Variants in PLEKHA5 observed in about 807,000 individuals in gnomAD.
The protein encoded by PLEKHA5 is pleckstrin homology domain-containing family A member 5.
A neutral mutation model predicts 181.9 loss-of-function variants in PLEKHA5; 55 were observed. That is an observed-to-expected ratio of 0.30 (90% CI 0.24 to 0.38). The LOEUF (loss-of-function observed/expected upper bound fraction) is 0.38. Ranked by LOEUF, PLEKHA5 falls within the 10% of genes least tolerant of loss-of-function variation. The pLI, the probability that PLEKHA5 is intolerant of heterozygous loss-of-function variation, is 1.00. For missense variants in PLEKHA5, 1,432 were observed against 1,549.5 expected (o/e 0.92, Z 1.27); for synonymous variants, 535 against 529.4 (o/e 1.01, Z -0.15).
intron 20 of PLEKHA5, among the ~76,000 whole-genome samples, chr12:19,322,940 A>G (rs1404087596): frequency 6.6e-6 from 1 of 151,366 alleles, no homozygotes; most frequent in Non-Finnish European, 1.5e-5. Flanking sequence ...TGTAGCCTGA[A>G]TCTCTTGGAC....
intron 3 of PLEKHA5, among the ~76,000 whole-genome samples, chr12:19,233,935 G>C (rs188311375): frequency 1.3e-5 from 2 of 152,156 alleles, no homozygotes; most frequent in Non-Finnish European, 2.9e-5. Context: ...GCATTGATCC[G>C]CAGTCTACCT....
chr12:19,212,539 G>T (rs908250711), intron 3 of PLEKHA5, among the ~76,000 whole-genome samples: 3 of 151,974 alleles, frequency 2.0e-5, no homozygotes, highest in African/African-American at 7.3e-5. Context: ...AAATTAGCCA[G>T]GCATGGTGGC....
At chr12:19,215,293 T>G (rs1250336603) in intron 3 of PLEKHA5, among the ~76,000 whole-genome samples, 6 of 151,742 alleles carry the variant, frequency 4.0e-5, no homozygotes, top group Non-Finnish European at 5.9e-5. Context: ...TAGCCAAAAG[T>G]TTTTTTTTAA....
chr12:19,368,436 A>T (rs1025858140), intron 30 of PLEKHA5, among the ~76,000 whole-genome samples: 6 of 152,030 alleles, frequency 3.9e-5, no homozygotes, highest in African/African-American at 1.4e-4. Context: ...TGAGGCTACA[A>T]TGAGCTGTGT....
intron 22 of PLEKHA5, among the ~76,000 whole-genome samples, chr12:19,344,507 C>G (rs1275972313): frequency 2.6e-5 from 4 of 152,038 alleles, no homozygotes; most frequent in African/African-American, 9.7e-5. Flanking sequence ...TATGTTGTTT[C>G]CAGAGTTTTT....
rs1303079768 is a variant in PLEKHA5, at chr12:19,375,534, T to C, written c.*15T>C. The C allele has an allele frequency of 2.0e-5, 3 of 152,610 alleles. No homozygotes were observed. The highest frequency in any genetic ancestry group is 2.0e-4 in the Admixed American group (3 of 15,268). The allele number at this position is 152,610 out of a possible 1,614,324, so 9.5% of individuals were successfully genotyped here. A position where few individuals can be genotyped will look rare whatever the true frequency, so the allele number is the denominator to read the frequency against. ...TTTCCTCTCTCTTATTTTTCAGCTA[T>C]ACTGACTTCTGTTGAAACCATTCAA... On this transcript the variant is annotated 3_prime_UTR_variant, in exon 32 of 32. Transcript: ENST00000429027.
In PLEKHA5 at chr12:19,269,789, G is replaced by A. The variant is rs989841428; in HGVS notation, c.731G>A (p.Arg244Gln). Reference sequence around the variant, plus strand: ...AATCAGGCAGCCCATCCAAACATGCGGACCTATTATTTCTGCACTGATACA... The same window carrying A: ...AATCAGGCAGCCCATCCAAACATGCAGACCTATTATTTCTGCACTGATACA... Reference protein sequence around the residue: ...YAFKAAHPNMRTYYFCTDTGK... With the variant: ...YAFKAAHPNMQTYYFCTDTGK... The change falls in exon 9 of 32, where the codon CGG (arginine) becomes CAG (glutamine). Residue 244 changes from arginine (R) to glutamine (Q), a missense_variant. Physicochemically the swap from Arg to Gln is conservative, Grantham distance 43 (BLOSUM62 1). Transcript: ENST00000429027. The A allele has an allele frequency of 3.8e-6, 6 of 1,595,446 alleles. No individual in the cohort carries two copies. Among genetic ancestry groups the A allele is most frequent in the Admixed American group, 1.7e-5 (1 of 59,780 alleles).
chr12:19,260,851 A>G (rs1177507870), intron 6 of PLEKHA5, 98 bp from the exon 7 acceptor site: 1 of 702,608 alleles, frequency 1.4e-6, no homozygotes, highest in Non-Finnish European at 2.3e-6. Context: ...CAAGAGCGAA[A>G]CTCCATCTCA....
chr12:19,315,904 A>G (rs1592458935), intron 16 of PLEKHA5, among the ~76,000 whole-genome samples: 2 of 152,264 alleles, frequency 1.3e-5, no homozygotes, highest in South Asian at 4.2e-4. Flanking sequence ...ACAGTTTTCA[A>G]AATATTTAAA....
chr12:19,182,898 A>C (rs1470508307), intron 3 of PLEKHA5, among the ~76,000 whole-genome samples: 1 of 152,236 alleles, frequency 6.6e-6, no homozygotes, highest in Non-Finnish European at 1.5e-5. Context: ...CAGTGTGAAC[A>C]GTCTTAAGAA....
intron 3 of PLEKHA5, among the ~76,000 whole-genome samples, chr12:19,189,723 A>G (rs575601749): frequency 1.3e-5 from 2 of 152,302 alleles, no homozygotes; most frequent in South Asian, 4.1e-4. Flanking sequence ...TGCTATTCAG[A>G]CCATTAAACA....
rs1491170347 is a variant in PLEKHA5, at chr12:19,372,402, T to TTTG, written c.*11+2606_*11+2607insGTT. ...TTTTTGATGGGATTATTTGTTTTTG[T>TTTG]TTTTTTTTTCTTGCTGATTTGTTTT... is the stretch of plus-strand genomic sequence containing the variant. On this transcript the variant is annotated intron_variant, in intron 31 of 31. Coordinates refer to ENST00000429027, the MANE Select transcript of PLEKHA5 (RefSeq NM_001256470.2). 2.7e-5 allele frequency: 4 copies of TTTG among 146,506 alleles called. No homozygotes were observed. In the East Asian group the frequency reaches 7.9e-4, roughly 29 times the overall value. 9.1% of individuals were successfully genotyped at this position (146,506 alleles called of 1,614,324 possible).
At chr12:19,364,775 C>T (rs1278741713) in intron 29 of PLEKHA5, among the ~76,000 whole-genome samples, 1 of 151,810 alleles carries the variant, frequency 6.6e-6, no homozygotes, top group East Asian at 2.0e-4. Context: ...AAGCAGTTCT[C>T]CTGCCTCAGC....
intron 3 of PLEKHA5, among the ~76,000 whole-genome samples, chr12:19,220,080 CTT>C (rs2058687164): frequency 6.6e-6 from 1 of 151,984 alleles, no homozygotes; most frequent in Non-Finnish European, 1.5e-5. Context: ...TAACTAGAAA[CTT>C]TTCATAATAA....
chr12:19,129,990 C>G, intron 1 of PLEKHA5, 61 bp from the exon 2 acceptor site: 3 of 1,475,450 alleles, frequency 2.0e-6, no homozygotes, highest in Non-Finnish European at 2.8e-6. Context: ...CCTGCAGCCC[C>G]TCGGCTCGCC....
intron 20 of PLEKHA5, among the ~76,000 whole-genome samples, chr12:19,330,733 T>G (rs1450111708): frequency 6.6e-6 from 1 of 152,158 alleles, no homozygotes; most frequent in African/African-American, 2.4e-5. Flanking sequence ...TAATACCAGT[T>G]GGCAGGACTG....
At chr12:19,306,456 AC>A (rs1476483505) in intron 15 of PLEKHA5, 2 of 622,134 alleles carry the variant, frequency 3.2e-6, no homozygotes, top group Non-Finnish European at 6.1e-6. Flanking sequence ...AGCATCGGAT[AC>A]CCACCTCCCA....
At chr12:19,225,224 C>G (rs374264580) in intron 3 of PLEKHA5, among the ~76,000 whole-genome samples, 1 of 152,110 alleles carries the variant, frequency 6.6e-6, no homozygotes, top group Admixed American at 6.5e-5. Context: ...CACAAAACTG[C>G]TCCTTTTTAC....
At chr12:19,189,722 G>A (rs1452406779) in intron 3 of PLEKHA5, among the ~76,000 whole-genome samples, 2 of 152,152 alleles carry the variant, frequency 1.3e-5, no homozygotes, top group African/African-American at 4.8e-5. Flanking sequence ...ATGCTATTCA[G>A]ACCATTAAAC....
Sources: gnomAD v4.1 joint callset for allele counts (sites outside exome capture counted in the v4.1 genomes callset) on GRCh38, gnomAD v4.1.1 for gene constraint, MANE v1.5 for transcripts, NCBI Gene and HGNC (gene_info 2026-07-23, HGNC 2026-07-21) for gene names.